RORB: variants seen among roughly 807,000 people sequenced by gnomAD.
RORB encodes nuclear receptor ROR-beta.
RORB carries 6 observed loss-of-function variants against 59.1 expected under a neutral mutation model. The ratio of observed to expected loss-of-function variants is 0.10; its 90% CI spans 0.06 to 0.20. The LOEUF (loss-of-function observed/expected upper bound fraction) is 0.20, where lower values mean the gene tolerates loss of function less well. Among genes scored for constraint, RORB ranks in the 10% least tolerant of loss-of-function variants. RORB has a pLI of 1.00. For synonymous variants in RORB, 215 were observed against 204.5 expected (o/e 1.05, Z -0.44); for missense variants, 320 against 560.5 (o/e 0.57, Z 4.33).
chr9:74,669,604 A>G (rs1434772200), intron 8 of RORB, among the ~76,000 whole-genome samples: 1 of 152,204 alleles, frequency 6.6e-6, no homozygotes, highest in Middle Eastern at 3.4e-3. Context: ...GAATTCAGTT[A>G]CTTCCTCAGC....
chr9:74,586,492 T>A (rs1048108858), intron 1 of RORB, among the ~76,000 whole-genome samples: 1 of 152,058 alleles, frequency 6.6e-6, no homozygotes, highest in South Asian at 2.1e-4. Flanking sequence ...AATGAGAACC[T>A]GTCTGAAAAG....
At chr9:74,651,138 G>A (rs1469089469) in intron 4 of RORB, among the ~76,000 whole-genome samples, 3 of 152,098 alleles carry the variant, frequency 2.0e-5, no homozygotes, top group Admixed American at 6.6e-5. Flanking sequence ...TGCTGTTTTG[G>A]TTTGTCCTAT....
At chr9:74,594,023 G>A (rs547858843) in intron 1 of RORB, among the ~76,000 whole-genome samples, 22 of 152,254 alleles carry the variant, frequency 1.4e-4, no homozygotes, top group African/African-American at 4.3e-4. Context: ...TCCATGCAAA[G>A]AGCCTCCAGT....
At chr9:74,610,782 C>G (rs1311654362) in intron 1 of RORB, among the ~76,000 whole-genome samples, 2 of 152,198 alleles carry the variant, frequency 1.3e-5, no homozygotes, top group African/African-American at 4.8e-5. Context: ...GAAACATGAG[C>G]ATGCCTCAGA....
At chr9:74,518,542 C>T (rs1379019365) in intron 1 of RORB, among the ~76,000 whole-genome samples, 1 of 151,976 alleles carries the variant, frequency 6.6e-6, no homozygotes. Context: ...TTACCCTTAA[C>T]TATGCAGCCT....
At chr9:74,516,101 G>A (rs1481099945) in intron 1 of RORB, among the ~76,000 whole-genome samples, 2 of 152,008 alleles carry the variant, frequency 1.3e-5, no homozygotes, top group Non-Finnish European at 2.9e-5. Context: ...AGGTACCAGT[G>A]CCACCTCTAC....
At chr9:74,520,819 C>G (rs551474374) in intron 1 of RORB, among the ~76,000 whole-genome samples, 28 of 151,788 alleles carry the variant, frequency 1.8e-4, no homozygotes, top group Admixed American at 7.9e-4. Flanking sequence ...ACCATTATCA[C>G]TAACCTTAGA....
intron 1 of RORB, among the ~76,000 whole-genome samples, chr9:74,597,373 C>T (rs1822983363): frequency 6.6e-6 from 1 of 152,194 alleles, no homozygotes; most frequent in South Asian, 2.1e-4. Context: ...TAGAGAGGCA[C>T]TGGCCAATAC....
At chr9:74,684,123 A>C (rs1257480993) in intron 9 of RORB, among the ~76,000 whole-genome samples, 2 of 152,226 alleles carry the variant, frequency 1.3e-5, no homozygotes, top group Non-Finnish European at 2.9e-5. Context: ...CCTTTACTGA[A>C]TATGTCAACA....
At position 74,665,482 on chromosome 9, in the gene RORB, T is replaced by A; in HGVS notation, c.893-6T>A. ...TTTTATTTTTATTTTTATTTTTTAC[T>A]CATAGGTTGCTTGGAAGTGGTTTTA... On this transcript the variant is annotated splice_polypyrimidine_tract_variant and splice_region_variant and intron_variant, in intron 6 of 9. Coordinates refer to ENST00000376896, the MANE Select transcript of RORB (RefSeq NM_006914.4). 1 of 1,559,116 alleles carries A rather than the reference T, an allele frequency of 6.4e-7. No individual in the cohort carries two copies. The highest frequency in any genetic ancestry group is 1.7e-5 in the Admixed American group (1 of 59,362).
chr9:74,593,723 T>A (rs1822934404), intron 1 of RORB, among the ~76,000 whole-genome samples: 1 of 152,190 alleles, frequency 6.6e-6, no homozygotes, highest in Non-Finnish European at 1.5e-5. Context: ...GTGAACAATG[T>A]TGCTGCAGGA....
At chr9:74,536,184 T>C (rs1176508232) in intron 1 of RORB, among the ~76,000 whole-genome samples, 1 of 152,044 alleles carries the variant, frequency 6.6e-6, no homozygotes, top group African/African-American at 2.4e-5. Flanking sequence ...CATCTTGTTT[T>C]TAAAAGGTTT....
At chr9:74,515,839 G>C (rs1244710531) in intron 1 of RORB, among the ~76,000 whole-genome samples, 1 of 152,080 alleles carries the variant, frequency 6.6e-6, no homozygotes, top group Non-Finnish European at 1.5e-5. Context: ...TCTGTGAGAA[G>C]TCACTTGAGC....
intron 1 of RORB, among the ~76,000 whole-genome samples, chr9:74,547,987 T>A (rs1430996397): frequency 6.6e-6 from 1 of 152,138 alleles, no homozygotes; most frequent in Non-Finnish European, 1.5e-5. Context: ...AGACCAGAAA[T>A]GTAGCTCTGA....
chr9:74,556,408 T>C (rs754176072), intron 1 of RORB, among the ~76,000 whole-genome samples: 4 of 152,164 alleles, frequency 2.6e-5, no homozygotes, highest in Non-Finnish European at 5.9e-5. Flanking sequence ...GCATAAATGA[T>C]CTTATCTCTA....
chr9:74,596,744 A>G (rs1181057320), intron 1 of RORB, among the ~76,000 whole-genome samples: 1 of 152,212 alleles, frequency 6.6e-6, no homozygotes, highest in African/African-American at 2.4e-5. Flanking sequence ...CTTATTGGTA[A>G]AAGAGGTTAA....
At chr9:74,591,416 T>C (rs773855994) in intron 1 of RORB, among the ~76,000 whole-genome samples, 2 of 152,182 alleles carry the variant, frequency 1.3e-5, no homozygotes, top group Non-Finnish European at 2.9e-5. Context: ...GTCCCTTAGC[T>C]TTAAAAACAT....
At chr9:74,648,788 G>C (rs1290580210) in intron 4 of RORB, among the ~76,000 whole-genome samples, 3 of 152,110 alleles carry the variant, frequency 2.0e-5, no homozygotes, top group African/African-American at 7.2e-5. Context: ...GCAGCTCAAG[G>C]AAAGGGTAGT....
At chr9:74,684,978 T>A (rs1824615991) in intron 9 of RORB, among the ~76,000 whole-genome samples, 1 of 152,222 alleles carries the variant, frequency 6.6e-6, no homozygotes, top group South Asian at 2.1e-4. Context: ...CAATTACACT[T>A]CACATCTCCA....
Sources: gnomAD v4.1 joint callset for allele counts (sites outside exome capture counted in the v4.1 genomes callset) on GRCh38, gnomAD v4.1.1 for gene constraint, MANE v1.5 for transcripts, NCBI Gene and HGNC (gene_info 2026-07-23, HGNC 2026-07-21) for gene names.